FIGN: variants seen among roughly 807,000 people sequenced by gnomAD.
The protein encoded by FIGN is fidgetin.
FIGN carries 11 observed loss-of-function variants against 51.3 expected under a neutral mutation model. The ratio of observed to expected loss-of-function variants is 0.21; its 90% CI spans 0.13 to 0.35. The LOEUF (loss-of-function observed/expected upper bound fraction) is 0.35, where lower values mean the gene tolerates loss of function less well. Among genes scored for constraint, FIGN ranks in the 10% least tolerant of loss-of-function variants. The pLI, the probability that FIGN is intolerant of heterozygous loss-of-function variation, is 1.00. For missense variants in FIGN, 857 were observed against 943.6 expected (o/e 0.91, Z 1.20); for synonymous variants, 407 against 363.2 (o/e 1.12, Z -1.37).
Position 163,611,574 on chromosome 2 carries a change from G to A in FIGN, c.258C>T (p.Pro86=), listed in dbSNP as rs1343998279. ...SGILEGPVDR[P]VLSNYSDTPS... is the part of the protein sequence containing the mutation. ...GTGTGTCCGAATAGTTGCTGAGTAC[G>A]GGTCGGTCCACAGGACCTTCCAAAA... Residue 86 remains proline, a synonymous_variant, in exon 3 of 3, where the codon CCC becomes CCT. Transcript: ENST00000333129. The A allele has an allele frequency of 6.2e-6, 10 of 1,614,092 alleles. No homozygotes were observed. The highest frequency in any genetic ancestry group is 4.0e-5 in the African/African-American group (3 of 74,938).
intron 2 of FIGN, among the ~76,000 whole-genome samples, chr2:163,730,035 T>C (rs1468852940): frequency 6.6e-6 from 1 of 152,246 alleles, no homozygotes; most frequent in Non-Finnish European, 1.5e-5. Flanking sequence ...CTAAGACTAC[T>C]GTTGTCAACA....
In FIGN at chr2:163,630,990, G is replaced by A. The variant is rs568799592; in HGVS notation, c.26-19184C>T. Reference sequence around the variant, plus strand: ...TAACAAAAGAAATGATTAAGTGACTGAGAATTCTTCCTGTGGTATAGCTTT... The same window carrying A: ...TAACAAAAGAAATGATTAAGTGACTAAGAATTCTTCCTGTGGTATAGCTTT... On this transcript the variant is annotated intron_variant, in intron 2 of 2. Coordinates refer to ENST00000333129, the MANE Select transcript of FIGN (RefSeq NM_018086.4). Among the ~76,000 whole-genome samples, 46 of 152,328 alleles carry A rather than the reference G, an allele frequency of 3.0e-4. No individual in the cohort carries two copies. The South Asian group carries it at 9.1e-3, about 30-fold the overall frequency.
At chr2:163,708,399 A>G (rs1411786190) in intron 2 of FIGN, among the ~76,000 whole-genome samples, 1 of 152,220 alleles carries the variant, frequency 6.6e-6, no homozygotes, top group Non-Finnish European at 1.5e-5. Context: ...CGCAGAATAT[A>G]GCAATTTACT....
rs890633529 is a variant in FIGN, at chr2:163,607,903, G to T, written c.*1649C>A. The T allele has an allele frequency of 3.3e-5, 5 of 152,530 alleles. No homozygotes were observed. The highest frequency in any genetic ancestry group is 9.7e-5 in the African/African-American group (4 of 41,406). The allele number at this position is 152,530 out of a possible 1,614,324, so 9.4% of individuals were successfully genotyped here. A position where few individuals can be genotyped will look rare whatever the true frequency, so the allele number is the denominator to read the frequency against. ...CACATAAAGCATTAAAGGATACAAA[G>T]AACAACTTGACAGAGAGCAGGAGAA... On this transcript the variant is annotated 3_prime_UTR_variant, in exon 3 of 3. Transcript: ENST00000333129.
chr2:163,695,451 A>T (rs1453897137), intron 2 of FIGN, among the ~76,000 whole-genome samples: 1 of 152,106 alleles, frequency 6.6e-6, no homozygotes, highest in Non-Finnish European at 1.5e-5. Context: ...CTCTGCTCAA[A>T]TATCACCTTT....
At chr2:163,639,786 AT>A (rs1329934098) in intron 2 of FIGN, among the ~76,000 whole-genome samples, 29 of 152,296 alleles carry the variant, frequency 1.9e-4, no homozygotes, top group African/African-American at 7.0e-4. Context: ...TCTCTTCTAA[AT>A]TCCCCAAGGA....
At chr2:163,699,785 T>A (rs1210372446) in intron 2 of FIGN, among the ~76,000 whole-genome samples, 1 of 152,152 alleles carries the variant, frequency 6.6e-6, no homozygotes, top group African/African-American at 2.4e-5. Context: ...ATTTTTTTGG[T>A]AAATCAGATA....
chr2:163,638,434 A>G (rs1343456342), intron 2 of FIGN, among the ~76,000 whole-genome samples: 11 of 152,144 alleles, frequency 7.2e-5, no homozygotes, highest in Non-Finnish European at 2.9e-5. Context: ...AAATTCCAAA[A>G]CACTAATTGC....
At chr2:163,712,967 A>G (rs1241435271) in intron 2 of FIGN, among the ~76,000 whole-genome samples, 1 of 152,220 alleles carries the variant, frequency 6.6e-6, no homozygotes. Context: ...CATGACAGAC[A>G]AACACCTAAT....
chr2:163,627,144 T>C (rs1433406016), intron 2 of FIGN, among the ~76,000 whole-genome samples: 1 of 152,134 alleles, frequency 6.6e-6, no homozygotes, highest in African/African-American at 2.4e-5. Context: ...TTTTATTCCT[T>C]TGCTTTCTTA....
intron 2 of FIGN, among the ~76,000 whole-genome samples, chr2:163,666,148 G>A (rs779032819): frequency 4.6e-5 from 7 of 152,134 alleles, no homozygotes; most frequent in Non-Finnish European, 7.4e-5. Context: ...ACCTGAGTTT[G>A]GTAGAAAGAA....
At chr2:163,635,488 T>G (rs1683210920) in intron 2 of FIGN, among the ~76,000 whole-genome samples, 1 of 152,194 alleles carries the variant, frequency 6.6e-6, no homozygotes. Context: ...GAGGATTGCT[T>G]GAGCTCAGGA....
chr2:163,627,139 T>C (rs1287719445), intron 2 of FIGN, among the ~76,000 whole-genome samples: 2 of 152,150 alleles, frequency 1.3e-5, no homozygotes, highest in African/African-American at 2.4e-5. Flanking sequence ...CATTCTTTTA[T>C]TCCTTTGCTT....
At chr2:163,646,361 A>G (rs1683382186) in intron 2 of FIGN, among the ~76,000 whole-genome samples, 1 of 152,180 alleles carries the variant, frequency 6.6e-6, no homozygotes, top group African/African-American at 2.4e-5. Flanking sequence ...CAGAGACTCT[A>G]AACTATAAAA....
rs376136430 is a variant in FIGN at position 163,610,164 on chromosome 2, G to A, written c.1668C>T (p.Val556=). ...TCTCTGCTTCTCCTAACCACTTGGC[G>A]ACTAGTCCAGAACCGGCAATTTTGA... ...TFFKIAGSGL[V]AKWLGEAEKI... The change falls in exon 3 of 3, where the codon GTC becomes GTT. Residue 556 remains valine, a synonymous_variant. Transcript: ENST00000333129. The A allele has an allele frequency of 9.3e-6, 15 of 1,613,982 alleles. No individual in the cohort carries two copies. The highest frequency in any genetic ancestry group is 1.2e-5 in the Non-Finnish European group (14 of 1,180,024).
intron 2 of FIGN, among the ~76,000 whole-genome samples, chr2:163,644,890 C>G (rs1683359001): frequency 6.6e-6 from 1 of 152,024 alleles, no homozygotes; most frequent in Admixed American, 6.6e-5. Context: ...AAATAGGAAA[C>G]AGATTAGTAG....
chr2:163,699,732 G>T (rs1409326407), intron 2 of FIGN, among the ~76,000 whole-genome samples: 1 of 152,084 alleles, frequency 6.6e-6, no homozygotes. Flanking sequence ...AATCTGTAGT[G>T]AATTTTTGAA....
intron 2 of FIGN, among the ~76,000 whole-genome samples, chr2:163,669,504 G>A (rs367590240): frequency 1.2e-4 from 18 of 152,220 alleles, no homozygotes; most frequent in African/African-American, 4.3e-4. Flanking sequence ...TAAGAAATAC[G>A]TATTTGACTT....
At chr2:163,719,003 T>C (rs1158234483) in intron 2 of FIGN, among the ~76,000 whole-genome samples, 1 of 152,166 alleles carries the variant, frequency 6.6e-6, no homozygotes, top group Non-Finnish European at 1.5e-5. Context: ...AGCAGCTATA[T>C]GAATAATCAT....
Sources: allele counts gnomAD v4.1 joint callset (sites outside exome capture counted in the v4.1 genomes callset), GRCh38; gene constraint gnomAD v4.1.1; transcripts MANE v1.5; gene names NCBI Gene and HGNC (gene_info 2026-07-23, HGNC 2026-07-21).